The following FARP1 variants were observed in gnomAD, a reference collection of about 807,000 sequenced individuals.
FARP1 encodes FERM, ARH/RhoGEF and pleckstrin domain protein 1.
In FARP1, 52 loss-of-function variants were observed where a neutral mutation model predicts 128.8. That is an observed-to-expected ratio of 0.40 (90% CI 0.32 to 0.51). The LOEUF is 0.51. Ranked by LOEUF, FARP1 falls within the 20% of genes least tolerant of loss-of-function variation. FARP1 has a pLI of 0.45. For missense variants in FARP1, 1,333 were observed against 1,367.9 expected (o/e 0.97, Z 0.40); for synonymous variants, 580 against 551.8 (o/e 1.05, Z -0.72).
chr13:98,339,647 T>C (rs1253009695), intron 2 of FARP1, among the ~76,000 whole-genome samples: 1 of 152,212 alleles, frequency 6.6e-6, no homozygotes, highest in Non-Finnish European at 1.5e-5. Flanking sequence ...TGGACATCTA[T>C]TTTACAGATG....
chr13:98,163,342 G>A (rs183231503), intron 1 of FARP1, among the ~76,000 whole-genome samples: 11 of 152,182 alleles, frequency 7.2e-5, no homozygotes, highest in Non-Finnish European at 1.3e-4. Flanking sequence ...GGAGGGGGAG[G>A]AGCAGGAAAA....
intron 2 of FARP1, among the ~76,000 whole-genome samples, chr13:98,265,826 C>T (rs139961471): frequency 6.3e-4 from 96 of 152,244 alleles, no homozygotes; most frequent in African/African-American, 2.2e-3. Flanking sequence ...GTGGGGATGC[C>T]GTCACAGACT....
At chr13:98,244,728 G>C in intron 2 of FARP1, 1 of 1,607,968 alleles carries the variant, frequency 6.2e-7, no homozygotes, top group Non-Finnish European at 8.5e-7. Context: ...TTGAAGTCCT[G>C]TTTCATTATT....
intron 2 of FARP1, chr13:98,329,916 G>A (rs1332432667): frequency 6.6e-6 from 1 of 152,208 alleles, no homozygotes; most frequent in Non-Finnish European, 1.5e-5. Flanking sequence ...AGAAGAAGAT[G>A]TTGTCTTTTG....
chr13:98,321,873 A>G (rs1025327063), intron 2 of FARP1, among the ~76,000 whole-genome samples: 6 of 152,352 alleles, frequency 3.9e-5, no homozygotes, highest in Middle Eastern at 6.8e-3. Flanking sequence ...AGCAAACTTG[A>G]GTTGAAATCT....
At chr13:98,251,623 C>T (rs1200090007) in intron 2 of FARP1, among the ~76,000 whole-genome samples, 1 of 148,578 alleles carries the variant, frequency 6.7e-6, no homozygotes, top group East Asian at 2.0e-4. Flanking sequence ...GTGGAGGTTG[C>T]AGTAAGCTGA....
chr13:98,187,167 C>G (rs1878934711), intron 1 of FARP1, among the ~76,000 whole-genome samples: 1 of 152,036 alleles, frequency 6.6e-6, no homozygotes, highest in South Asian at 2.1e-4. Flanking sequence ...ACAGCTCATT[C>G]ATTATTTTTT....
intron 5 of FARP1, among the ~76,000 whole-genome samples, chr13:98,373,976 T>C (rs1263333374): frequency 6.6e-6 from 1 of 152,184 alleles, no homozygotes; most frequent in African/African-American, 2.4e-5. Context: ...ACTAAGAAAG[T>C]AGAAACATTG....
intron 5 of FARP1, among the ~76,000 whole-genome samples, chr13:98,371,205 AC>A (rs1255193314): frequency 8.4e-6 from 1 of 119,462 alleles, no homozygotes; most frequent in Non-Finnish European, 1.7e-5. Context: ...GTATCCCCTC[AC>A]CCCCGCCCCC....
intron 5 of FARP1, among the ~76,000 whole-genome samples, chr13:98,372,011 G>A (rs192801498): frequency 1.8e-3 from 268 of 151,784 alleles, no homozygotes; most frequent in African/African-American, 6.2e-3. Context: ...AGAAGGAGAA[G>A]CGTATTGACT....
chr13:98,424,155 G>A (rs1891692762), intron 16 of FARP1, among the ~76,000 whole-genome samples: 2 of 152,212 alleles, frequency 1.3e-5, no homozygotes, highest in Admixed American at 6.5e-5. Context: ...CTTGCTTCCT[G>A]CAGGTGTCTA....
In FARP1 at chr13:98,395,382, G is replaced by T; in HGVS notation, c.1320G>T (p.Ala440=). Residue 440 remains alanine (A), a synonymous_variant, in exon 13 of 27, where the codon GCG becomes GCT. Transcript: ENST00000319562. ...PRRSPAGNKQ[A]DGAASAPTEE... ...GAAGCCCCGCGGGTAACAAGCAGGC[G>T]GACGGAGCCGCCTCGGCGCCCACGG... The T allele has an allele frequency of 2.5e-6, 4 of 1,611,778 alleles. No homozygotes were observed. Among genetic ancestry groups the T allele is most frequent in the Non-Finnish European group, 2.5e-6 (3 of 1,179,090 alleles).
chr13:98,445,411 C>G (rs1446045213), intron 24 of FARP1: 2 of 152,206 alleles, frequency 1.3e-5, no homozygotes, highest in Non-Finnish European at 2.9e-5. Flanking sequence ...GGTGCCTGTC[C>G]CTGCCCCCTA....
At chr13:98,296,420 G>A (rs930054091) in intron 2 of FARP1, among the ~76,000 whole-genome samples, 1 of 151,978 alleles carries the variant, frequency 6.6e-6, no homozygotes, top group South Asian at 2.1e-4. Context: ...GTAAAAATCC[G>A]AATCAGTGCT....
chr13:98,168,242 C>T (rs572152309), intron 1 of FARP1, among the ~76,000 whole-genome samples: 75 of 152,240 alleles, frequency 4.9e-4, no homozygotes, highest in African/African-American at 1.8e-3. Flanking sequence ...TCTACTATCA[C>T]TATTGACAGC....
At chr13:98,288,730 C>T (rs1334016736) in intron 2 of FARP1, among the ~76,000 whole-genome samples, 1 of 152,154 alleles carries the variant, frequency 6.6e-6, no homozygotes, top group Non-Finnish European at 1.5e-5. Context: ...GGTAACAGCA[C>T]CTGGGTTCCA....
At chr13:98,197,363 G>A (rs1239489555) in intron 1 of FARP1, among the ~76,000 whole-genome samples, 3 of 152,018 alleles carry the variant, frequency 2.0e-5, no homozygotes, top group African/African-American at 7.2e-5. Flanking sequence ...CTACTCGGGA[G>A]GCTGAGGCAG....
chr13:98,368,722 C>T (rs1889201779), intron 5 of FARP1, among the ~76,000 whole-genome samples: 1 of 152,150 alleles, frequency 6.6e-6, no homozygotes, highest in Admixed American at 6.5e-5. Context: ...ACAGTGTGGA[C>T]TCTAATGCTT....
chr13:98,272,642 A>G (rs775188924), intron 2 of FARP1, among the ~76,000 whole-genome samples: 27 of 152,136 alleles, frequency 1.8e-4, no homozygotes, highest in Non-Finnish European at 3.7e-4. Flanking sequence ...TGCCTGGAGT[A>G]TCTTGTCCTG....
Sources: gnomAD v4.1 joint callset for allele counts (sites outside exome capture counted in the v4.1 genomes callset) on GRCh38, gnomAD v4.1.1 for gene constraint, MANE v1.5 for transcripts, NCBI Gene and HGNC (gene_info 2026-07-23, HGNC 2026-07-21) for gene names.